The following SUPT20HL2 variants were observed in gnomAD, a reference collection of about 807,000 sequenced individuals.
The protein encoded by SUPT20HL2 is transcription factor SPT20 homolog-like 2.
For missense variants in SUPT20HL2, 288 were observed against 127.4 expected (o/e 2.26, Z -6.07); for synonymous variants, 125 against 51.6 (o/e 2.42, Z -6.10).
At position 24,309,746 on chromosome X, in the gene SUPT20HL2, G is replaced by GAAAAAAAAAAAAAAAAAAAAAAA; in HGVS notation, c.*1093_*1115dup. Among the ~76,000 whole-genome samples, 16 of 21,785 alleles carry GAAAAAAAAAAAAAAAAAAAAAAA rather than the reference G, an allele frequency of 7.3e-4. No homozygotes were observed. The highest frequency in any genetic ancestry group is 2.1e-3 in the East Asian group (1 of 485). 18.9% of individuals were successfully genotyped at this position (21,785 alleles called of 115,157 possible). On this transcript the variant is annotated 3_prime_UTR_variant, in exon 1 of 1. Transcript: ENST00000486479. ...AAAATAATAAAAATAAAAAAAAAAA[G>GAAAAAAAAAAAAAAAAAAAAAAA]AAAAAAAAAAAAAAAAAAAAAAACA... is the stretch of plus-strand genomic sequence containing the variant.
At position 24,309,691 on chromosome X, in the gene SUPT20HL2, T is replaced by G. The variant is rs868599010; in HGVS notation, c.*1171A>C. On this transcript the variant is annotated 3_prime_UTR_variant, in exon 1 of 1. Coordinates refer to ENST00000486479, the MANE Select transcript of SUPT20HL2 (RefSeq NM_001136233.3). ...TTAGAGTATAATAAAAAAAAAAAAATTAAAAAAAAAAATTAAAAAAAAAAA... is the reference window on the plus strand; with the variant it reads ...TTAGAGTATAATAAAAAAAAAAAAAGTAAAAAAAAAAATTAAAAAAAAAAA... Among the ~76,000 whole-genome samples, 1 of 24,845 alleles carries G rather than the reference T, an allele frequency of 4.0e-5. No homozygotes were observed. Among genetic ancestry groups the G allele is most frequent in the Non-Finnish European group, 6.8e-5 (1 of 14,614 alleles). The allele number at this position is 24,845 out of a possible 115,157, so 21.6% of individuals were successfully genotyped here.
In SUPT20HL2 at chrX:24,313,878, G is replaced by A. The variant is rs1320839553; in HGVS notation, c.-563C>T. On this transcript the variant is annotated 5_prime_UTR_variant, in exon 1 of 1. Transcript: ENST00000486479. ...GGGGTCGTCGTCGTGGTCGGACTTC[G>A]CGTCTCTGCGGCCTGGAACGGAAGT... 2 of 361,953 alleles carry A rather than the reference G, an allele frequency of 5.5e-6. No homozygotes were observed. Among genetic ancestry groups the A allele is most frequent in the Non-Finnish European group, 1.1e-5 (2 of 188,810 alleles). 29.8% of individuals were successfully genotyped at this position (361,953 alleles called of 1,213,427 possible).
At position 24,310,667 on chromosome X, in the gene SUPT20HL2, G is replaced by C. The variant is rs1180174383; in HGVS notation, c.*195C>G. Among the ~76,000 whole-genome samples the C allele has an allele frequency of 8.9e-6, 1 of 111,953 alleles. No individual in the cohort carries two copies. The highest frequency in any genetic ancestry group is 1.9e-5 in the Non-Finnish European group (1 of 53,162). On this transcript the variant is annotated 3_prime_UTR_variant, in exon 1 of 1. Coordinates refer to ENST00000486479, the MANE Select transcript of SUPT20HL2 (RefSeq NM_001136233.3). ...AATGACAACAAAAGGAGTAACTTAA[G>C]CAAAACAATGCCCCTTTAGGAAATC...
rs1206010900 is a variant in SUPT20HL2, at chrX:24,311,179, G to C, written c.2137C>G (p.Leu713Val). The C allele has an allele frequency of 2.6e-6, 1 of 381,834 alleles. No homozygotes were observed. The highest frequency in any genetic ancestry group is 5.2e-6 in the Non-Finnish European group (1 of 190,778). The allele number at this position is 381,834 out of a possible 1,213,427, so 31.5% of individuals were successfully genotyped here. Reference sequence around the variant, plus strand: ...TGCAGACCACTACCTGCTCCAGTGAGGTTCACATTAAGAAGTTGCTGAGCA... The same window carrying C: ...TGCAGACCACTACCTGCTCCAGTGACGTTCACATTAAGAAGTTGCTGAGCA... ...FPAQQLLNVN[L>V]TGAGSGLQPQ... Residue 713 changes from leucine (L) to valine (V), a missense_variant, in exon 1 of 1, where the codon CTC becomes GTC. Coordinates refer to ENST00000486479, the MANE Select transcript of SUPT20HL2 (RefSeq NM_001136233.3).
Position 24,309,725 on chromosome X carries a change from T to TAAAAAAAAA in SUPT20HL2, c.*1136_*1137insTTTTTTTTT, listed in dbSNP as rs1569195686. 5.9e-5 allele frequency among the ~76,000 whole-genome samples: 1 copy of TAAAAAAAAA among 16,885 alleles called. No homozygotes were observed. Among genetic ancestry groups the TAAAAAAAAA allele is most frequent in the Non-Finnish European group, 9.2e-5 (1 of 10,869 alleles). 14.7% of individuals were successfully genotyped at this position (16,885 alleles called of 115,157 possible). A position where few individuals can be genotyped will look rare whatever the true frequency, so the allele number is the denominator to read the frequency against. Reference sequence around the variant, plus strand: ...AAAATTAAAAAAAAAAAGAAAAAAATAATAAAAATAAAAAAAAAAAGAAAA... The same window carrying TAAAAAAAAA: ...AAAATTAAAAAAAAAAAGAAAAAAATAAAAAAAAAAATAAAAATAAAAAAAAAAAGAAAA... On this transcript the variant is annotated 3_prime_UTR_variant, in exon 1 of 1. Coordinates refer to ENST00000486479, the MANE Select transcript of SUPT20HL2 (RefSeq NM_001136233.3).
rs761059855 is a variant in SUPT20HL2, at chrX:24,308,343, T to C, written c.*2519A>G. ...CAGGCAAAGGAGAAAGCACACCAAA[T>C]TTGGTGACATACTGAATTCAGGTCA... is the stretch of plus-strand genomic sequence containing the variant. On this transcript the variant is annotated 3_prime_UTR_variant, in exon 1 of 1. Transcript: ENST00000486479. The C allele has an allele frequency of 2.7e-6, 1 of 373,384 alleles. No homozygotes were observed. Among genetic ancestry groups the C allele is most frequent in the Admixed American group, 2.5e-5 (1 of 39,452 alleles). 30.8% of individuals were successfully genotyped at this position (373,384 alleles called of 1,213,427 possible).
chrX:24,311,741 C>T lies in SUPT20HL2; in HGVS notation c.1575G>A (p.Ala525=), dbSNP rs1257350842. 2.8e-6 allele frequency: 1 copy of T among 354,843 alleles called. No homozygotes were observed. The highest frequency in any genetic ancestry group is 5.7e-6 in the Non-Finnish European group (1 of 176,889). 29.2% of individuals were successfully genotyped at this position (354,843 alleles called of 1,213,427 possible). Residue 525 remains alanine (A), a synonymous_variant, in exon 1 of 1, where the codon GCG becomes GCA. Coordinates refer to ENST00000486479, the MANE Select transcript of SUPT20HL2 (RefSeq NM_001136233.3). The part of the protein sequence containing the change: ...PALAAAAVAA[A]AGGAAPSHSQ... ...AATGGCTTGGTGCCGCCCCACCGGCCGCCGCCGCCACAGCAGCAGCAGCTA... is the reference window on the plus strand; with the variant it reads ...AATGGCTTGGTGCCGCCCCACCGGCTGCCGCCGCCACAGCAGCAGCAGCTA...
Position 24,311,663 on chromosome X carries a change from G to C in SUPT20HL2, c.1653C>G (p.Ala551=), listed in dbSNP as rs180933992. The C allele has an allele frequency of 8.4e-4, 323 of 383,417 alleles. 2 individuals are homozygous for C. Among genetic ancestry groups the C allele is most frequent in the African/African-American group, 7.2e-3 (284 of 39,382 alleles). 31.6% of individuals were successfully genotyped at this position (383,417 alleles called of 1,213,427 possible). Residue 551 remains alanine (A), a synonymous_variant, in exon 1 of 1, where the codon GCC becomes GCG. Transcript: ENST00000486479. ...TTTTTACGAATCTGGTGGGGCGCCC[G>C]GCAGCTGGACGGCGCCTGCTAGCTT... ...LIKASRRRPA[A]GRPTRFVKIA...
chrX:24,312,245 C>T lies in SUPT20HL2; in HGVS notation c.1071G>A (p.Ser357=), dbSNP rs1209226055. Residue 357 remains serine (S), a synonymous_variant, in exon 1 of 1, where the codon TCG becomes TCA. Transcript: ENST00000486479. The part of the protein sequence containing the change: ...AWDTKPNIMQ[S]FNDPLLCGKI... ...TACCACAGAGAAGCGGATCATTAAA[C>T]GACTGCATGATGTTTGGCTTGGTGT... is the stretch of plus-strand genomic sequence containing the variant. 1.3e-5 allele frequency: 5 copies of T among 384,427 alleles called. No individual in the cohort carries two copies. The highest frequency in any genetic ancestry group is 7.6e-5 in the Admixed American group (3 of 39,246). 31.7% of individuals were successfully genotyped at this position (384,427 alleles called of 1,213,427 possible).
Position 24,311,141 on chromosome X carries a change from C to A in SUPT20HL2, c.2175G>T (p.Gln725His), listed in dbSNP as rs759533555. Residue 725 changes from glutamine (Q) to histidine (H), a missense_variant, in exon 1 of 1, where the codon CAG becomes CAT. Transcript: ENST00000486479. ...AGCCAAGCAGACTCAACACAGCAGC[C>A]TGGGGCTGGGGCTGCAGACCACTAC... ...GAGSGLQPQP[Q>H]AAVLSLLGSA... The A allele has an allele frequency of 8.0e-6, 3 of 372,818 alleles. No homozygotes were observed. In the East Asian group the frequency reaches 2.3e-4, roughly 29 times the overall value. The allele number at this position is 372,818 out of a possible 1,213,427, so 30.7% of individuals were successfully genotyped here.
In SUPT20HL2 at chrX:24,309,907, T is replaced by A. The variant is rs1009408911; in HGVS notation, c.*955A>T. Among the ~76,000 whole-genome samples the A allele has an allele frequency of 1.8e-5, 2 of 108,609 alleles. No individual in the cohort carries two copies. The highest frequency in any genetic ancestry group is 3.8e-5 in the Non-Finnish European group (2 of 52,273). 94.3% of individuals were successfully genotyped at this position (108,609 alleles called of 115,157 possible). On this transcript the variant is annotated 3_prime_UTR_variant, in exon 1 of 1. Coordinates refer to ENST00000486479, the MANE Select transcript of SUPT20HL2 (RefSeq NM_001136233.3). ...TAATTCCATTCCACAGCTTTAGAGG[T>A]CTCCCATGTATTCAATCGCAGTGTG...
In SUPT20HL2 at chrX:24,311,625, A is replaced by G; in HGVS notation, c.1691T>C (p.Ile564Thr). The G allele has an allele frequency of 2.6e-6, 1 of 385,616 alleles. No homozygotes were observed. The highest frequency in any genetic ancestry group is 5.2e-6 in the Non-Finnish European group (1 of 191,751). The allele number at this position is 385,616 out of a possible 1,213,427, so 31.8% of individuals were successfully genotyped here. ...PTRFVKIAPAIQVRTGSTGLK... is the reference protein window; with the variant it reads ...PTRFVKIAPATQVRTGSTGLK... ...GCCAGTGGAGCCTGTCCGGACCTGA[A>G]TGGCTGGGGCTATTTTTACGAATCT... Residue 564 changes from isoleucine to threonine, a missense_variant, in exon 1 of 1, where the codon ATT (isoleucine) becomes ACT (threonine). Transcript: ENST00000486479.
rs760123652 is a variant in SUPT20HL2, at chrX:24,308,758, T to A, written c.*2104A>T. Reference sequence around the variant, plus strand: ...TATGAGGTGCTAGAACAGATGCTTGTACATGAAAGTTGACAGCAGCTCTAT... The same window carrying A: ...TATGAGGTGCTAGAACAGATGCTTGAACATGAAAGTTGACAGCAGCTCTAT... On this transcript the variant is annotated 3_prime_UTR_variant, in exon 1 of 1. Transcript: ENST00000486479. Among the ~76,000 whole-genome samples the A allele has an allele frequency of 3.7e-4, 41 of 112,073 alleles. No homozygotes were observed. The highest frequency in any genetic ancestry group is 1.3e-3 in the African/African-American group (40 of 30,882).
chrX:24,308,794 C>T lies in SUPT20HL2; in HGVS notation c.*2068G>A, dbSNP rs1171461183. Among the ~76,000 whole-genome samples the T allele has an allele frequency of 2.7e-5, 3 of 110,758 alleles. No homozygotes were observed. Among genetic ancestry groups the T allele is most frequent in the Non-Finnish European group, 5.6e-5 (3 of 53,156 alleles). ...TGACAGCAGCTCTATGCACAGCGCC[C>T]AAAAGGTAGAAACAACCCAAGTGTC... On this transcript the variant is annotated 3_prime_UTR_variant, in exon 1 of 1. Transcript: ENST00000486479.
Position 24,310,871 on chromosome X carries a change from T to TGGA in SUPT20HL2, c.2442_2444dup (p.Pro815dup), listed in dbSNP as rs1939116045. Reference sequence around the variant, plus strand: ...CAAACTACCACAAGCCTCAGGGAGCTGGAGGGGTTGGCTTGCCTCCCTTCC... The same window carrying TGGA: ...CAAACTACCACAAGCCTCAGGGAGCTGGAGGAGGGGTTGGCTTGCCTCCCTTCC... On this transcript the variant is annotated inframe_insertion, in exon 1 of 1. Transcript: ENST00000486479. The TGGA allele has an allele frequency of 5.2e-6, 2 of 382,485 alleles. No homozygotes were observed. The highest frequency in any genetic ancestry group is 1.1e-5 in the Non-Finnish European group (2 of 190,353). The allele number at this position is 382,485 out of a possible 1,213,427, so 31.5% of individuals were successfully genotyped here. A position where few individuals can be genotyped will look rare whatever the true frequency, so the allele number is the denominator to read the frequency against.
Position 24,310,788 on chromosome X carries a change from ACT to A in SUPT20HL2, c.*72_*73del. On this transcript the variant is annotated 3_prime_UTR_variant, in exon 1 of 1. Coordinates refer to ENST00000486479, the MANE Select transcript of SUPT20HL2 (RefSeq NM_001136233.3). The stretch of plus-strand genomic sequence containing the variant: ...ACCAAAACATGAGAAAAAAAACAAA[ACT>A]CAAGTAAAAACTGGGAATTCATGTG... The A allele has an allele frequency of 3.6e-6, 1 of 279,417 alleles. No individual in the cohort carries two copies. Among genetic ancestry groups the A allele is most frequent in the South Asian group, 3.6e-5 (1 of 27,400 alleles). The allele number at this position is 279,417 out of a possible 1,213,427, so 23.0% of individuals were successfully genotyped here. A position where few individuals can be genotyped will look rare whatever the true frequency, so the allele number is the denominator to read the frequency against.
Position 24,313,210 on chromosome X carries a change from G to A in SUPT20HL2, c.106C>T (p.Leu36=). ...RRYSPRAGKT[L]QEKLYDIYVE... ...TAAATGTCATAAAGTTTTTCCTGCA[G>A]AGTTTTTCCCGCCCTAGGTGAGTAT... Residue 36 remains leucine, a synonymous_variant, in exon 1 of 1, where the codon CTG becomes TTG. Transcript: ENST00000486479. 2.6e-6 allele frequency: 1 copy of A among 385,704 alleles called. No individual in the cohort carries two copies. Among genetic ancestry groups the A allele is most frequent in the Non-Finnish European group, 5.2e-6 (1 of 192,240 alleles). 31.8% of individuals were successfully genotyped at this position (385,704 alleles called of 1,213,427 possible).
Position 24,309,746 on chromosome X carries a change from GAAAAAAAAAAAAA to G in SUPT20HL2, c.*1103_*1115del. Among the ~76,000 whole-genome samples the G allele has an allele frequency of 4.6e-5, 1 of 21,784 alleles. No individual in the cohort carries two copies. Among genetic ancestry groups the G allele is most frequent in the Admixed American group, 8.8e-4 (1 of 1,132 alleles). The allele number at this position is 21,784 out of a possible 115,157, so 18.9% of individuals were successfully genotyped here. On this transcript the variant is annotated 3_prime_UTR_variant, in exon 1 of 1. Transcript: ENST00000486479. Reference sequence around the variant, plus strand: ...AAAATAATAAAAATAAAAAAAAAAAGAAAAAAAAAAAAAAAAAAAAAAACATCCAAAAAGAGCC... The same window carrying G: ...AAAATAATAAAAATAAAAAAAAAAAGAAAAAAAAAACATCCAAAAAGAGCC...
In SUPT20HL2 at chrX:24,310,408, T is replaced by A. The variant is rs1481213523; in HGVS notation, c.*454A>T. On this transcript the variant is annotated 3_prime_UTR_variant, in exon 1 of 1. Transcript: ENST00000486479. ...ATACTATTGCACTGGGCACTTAAAA[T>A]AGTGAAGGTGGTCCATTTTAGATTA... 1.8e-5 allele frequency among the ~76,000 whole-genome samples: 2 copies of A among 112,129 alleles called. No homozygotes were observed. The highest frequency in any genetic ancestry group is 3.8e-5 in the Non-Finnish European group (2 of 53,228).
Sources: allele counts gnomAD v4.1 joint callset (sites outside exome capture counted in the v4.1 genomes callset), GRCh38; gene constraint gnomAD v4.1.1; transcripts MANE v1.5; gene names NCBI Gene and HGNC (gene_info 2026-07-23, HGNC 2026-07-21).